ANKFN1: variants seen among roughly 807,000 people sequenced by gnomAD.
ANKFN1 encodes the protein ankyrin repeat and fibronectin type III domain containing 1, also known as ankyrin repeat and fibronectin type-III domain-containing protein 1.
ANKFN1 carries 74 observed loss-of-function variants against 108.7 expected under a neutral mutation model. The observed-to-expected ratio is 0.68, with a 90% CI of 0.56 to 0.83. The LOEUF (loss-of-function observed/expected upper bound fraction) is 0.83. ANKFN1 is among the 40% of genes least tolerant of loss of function. The pLI, the probability that ANKFN1 is intolerant of heterozygous loss-of-function variation, is 0.00. For synonymous variants in ANKFN1, 547 were observed against 516.2 expected (o/e 1.06, Z -0.81); for missense variants, 1,505 against 1,382.3 (o/e 1.09, Z -1.41).
rs144611921 is a variant in ANKFN1 at position 56,299,042 on chromosome 17, G to A, written c.54-27179G>A. On this transcript the variant is annotated intron_variant, in intron 3 of 20. Transcript: ENST00000682825. ...GCAAGAGGCTATGTTGTGCAAAAAC[G>A]TACACCTTTAATCACTTTAGCACTG... Among the ~76,000 whole-genome samples, 251 of 152,278 alleles carry A rather than the reference G, an allele frequency of 1.6e-3. 1 individual carries two copies. Among genetic ancestry groups the A allele is most frequent in the African/African-American group, 5.4e-3 (224 of 41,560 alleles).
chr17:56,160,309 A>G (rs1192425130), intron 1 of ANKFN1, among the ~76,000 whole-genome samples: 3 of 152,254 alleles, frequency 2.0e-5, no homozygotes, highest in Non-Finnish European at 2.9e-5. Context: ...GGTAAATGAT[A>G]AAAATTACAA....
chr17:56,380,897 C>A (rs939800901), intron 8 of ANKFN1, among the ~76,000 whole-genome samples: 1 of 152,338 alleles, frequency 6.6e-6, no homozygotes, highest in East Asian at 1.9e-4. Flanking sequence ...CCTCTGCAGA[C>A]TTAAATGTCC....
At chr17:56,296,568 C>G (rs1483068062) in intron 3 of ANKFN1, among the ~76,000 whole-genome samples, 1 of 152,142 alleles carries the variant, frequency 6.6e-6, no homozygotes, top group Non-Finnish European at 1.5e-5. Flanking sequence ...CCTGTAGTCC[C>G]AGCTACTTCG....
intron 11 of ANKFN1, among the ~76,000 whole-genome samples, chr17:56,453,464 A>T (rs1036015453): frequency 6.6e-6 from 1 of 152,176 alleles, no homozygotes; most frequent in African/African-American, 2.4e-5. Context: ...CTCTCAATAT[A>T]ATCAGATGCT....
At chr17:56,091,918 C>T (rs1189447274) in intron 4 of ANKFN1, among the ~76,000 whole-genome samples, 1 of 151,232 alleles carries the variant, frequency 6.6e-6, no homozygotes, top group Non-Finnish European at 1.5e-5. Context: ...TATCATTTCC[C>T]CCACCTCAAA....
chr17:56,050,852 C>T (rs1224961018), intron 4 of ANKFN1, among the ~76,000 whole-genome samples: 3 of 151,728 alleles, frequency 2.0e-5, no homozygotes, highest in Non-Finnish European at 4.4e-5. Context: ...CATACACTCT[C>T]CCAAGACTAA....
At chr17:56,139,976 T>C (rs768251034) in intron 4 of ANKFN1, among the ~76,000 whole-genome samples, 6 of 152,252 alleles carry the variant, frequency 3.9e-5, no homozygotes, top group African/African-American at 7.2e-5. Flanking sequence ...GGAGCAGCTG[T>C]ATTACTTCTG....
At chr17:56,399,602 A>C (rs2047689089) in intron 8 of ANKFN1, among the ~76,000 whole-genome samples, 1 of 151,786 alleles carries the variant, frequency 6.6e-6, no homozygotes, top group African/African-American at 2.4e-5. Flanking sequence ...ACTGCACCAT[A>C]TTTGTAATCT....
At chr17:56,084,606 T>G (rs1266867660) in intron 4 of ANKFN1, among the ~76,000 whole-genome samples, 1 of 151,366 alleles carries the variant, frequency 6.6e-6, no homozygotes. Flanking sequence ...CCTTCCTGCG[T>G]GTTGACAGTG....
chr17:56,324,992 T>C (rs1422680047), intron 3 of ANKFN1, among the ~76,000 whole-genome samples: 2 of 152,122 alleles, frequency 1.3e-5, no homozygotes, highest in African/African-American at 4.8e-5. Flanking sequence ...ATACAAGATG[T>C]CATTTCCAGG....
chr17:56,427,283 T>A (rs1230021856), intron 8 of ANKFN1, among the ~76,000 whole-genome samples: 1 of 152,020 alleles, frequency 6.6e-6, no homozygotes, highest in Non-Finnish European at 1.5e-5. Flanking sequence ...TATCCAGAAC[T>A]GGGAGTGCTC....
chr17:56,410,372 G>A (rs918184899), intron 8 of ANKFN1, among the ~76,000 whole-genome samples: 2 of 152,102 alleles, frequency 1.3e-5, no homozygotes, highest in Non-Finnish European at 2.9e-5. Flanking sequence ...TGGGATTACA[G>A]GCATGAGCCA....
intron 1 of ANKFN1, among the ~76,000 whole-genome samples, chr17:56,162,829 A>G (rs542923809): frequency 1.2e-3 from 177 of 152,244 alleles, no homozygotes; most frequent in Non-Finnish European, 2.0e-3. Flanking sequence ...TGAGGTCAGG[A>G]GTTTGAGACC....
Position 56,317,424 on chromosome 17 carries a change from G to A in ANKFN1, c.54-8797G>A, listed in dbSNP as rs1048383068. On this transcript the variant is annotated intron_variant, in intron 3 of 20. Coordinates refer to ENST00000682825, the MANE Select transcript of ANKFN1 (RefSeq NM_001370326.1). ...GTTAAAGCTTTCTTGCTGGACTCCC[G>A]CTTATTTTGAATTTAACAAAGGCTA... Among the ~76,000 whole-genome samples the A allele has an allele frequency of 7.2e-5, 11 of 152,058 alleles. No homozygotes were observed. The South Asian group carries it at 2.1e-3, about 29-fold the overall frequency.
chr17:56,125,721 G>A (rs1000077961), intron 4 of ANKFN1, among the ~76,000 whole-genome samples: 2 of 152,194 alleles, frequency 1.3e-5, no homozygotes, highest in Non-Finnish European at 2.9e-5. Context: ...GTTATGATTT[G>A]AATCCATCAC....
intron 4 of ANKFN1, among the ~76,000 whole-genome samples, chr17:56,083,091 T>G (rs997500798): frequency 2.0e-4 from 31 of 151,588 alleles, no homozygotes; most frequent in African/African-American, 6.8e-4. Context: ...GATAAGATTC[T>G]GAGCTGACAG....
intron 15 of ANKFN1, chr17:56,473,731 A>G (rs1006140108): frequency 2.6e-5 from 4 of 152,050 alleles, no homozygotes; most frequent in African/African-American, 7.2e-5. Context: ...CCATTCCCAC[A>G]CATTTCTCAG....
At chr17:56,485,146 A>G (rs746544380) in intron 18 of ANKFN1, among the ~76,000 whole-genome samples, 13 of 152,218 alleles carry the variant, frequency 8.5e-5, no homozygotes, top group Non-Finnish European at 1.6e-4. Context: ...TATTCCAGGC[A>G]CTGAAGAATC....
chr17:56,221,095 G>T (rs1264507231), intron 2 of ANKFN1, among the ~76,000 whole-genome samples: 2 of 152,156 alleles, frequency 1.3e-5, no homozygotes, highest in Non-Finnish European at 2.9e-5. Flanking sequence ...GGGGGAAGCA[G>T]GCAGGTCACA....
Sources: allele counts gnomAD v4.1 joint callset (sites outside exome capture counted in the v4.1 genomes callset), GRCh38; gene constraint gnomAD v4.1.1; transcripts MANE v1.5; gene names NCBI Gene and HGNC (gene_info 2026-07-23, HGNC 2026-07-21).